The following REPS1 variants were observed in gnomAD, a reference collection of about 807,000 sequenced individuals.
REPS1 encodes ralBP1-associated Eps domain-containing protein 1.
A neutral mutation model predicts 100.9 loss-of-function variants in REPS1; 39 were observed. The ratio of observed to expected loss-of-function variants is 0.39; its 90% CI spans 0.30 to 0.50. The LOEUF is 0.50. REPS1 is among the 20% of genes least tolerant of loss of function. The probability of loss-of-function intolerance (pLI) is 0.86; values close to 1 mark genes in which losing one functional copy is unlikely to be tolerated. For synonymous variants in REPS1, 324 were observed against 340.3 expected, an observed-to-expected ratio of 0.95 and a Z score of 0.53; for missense variants, 821 against 968.5, an observed-to-expected ratio of 0.85 and a Z score of 2.02.
chr6:138,933,557 CT>C (rs201961064), intron 8 of REPS1, among the ~76,000 whole-genome samples: 2,168 of 152,270 alleles, frequency 0.014, 31 homozygotes, highest in Middle Eastern at 0.075. Context: ...TTTTAGACCC[CT>C]GGTATACCTC....
At chr6:138,955,457 A>AAGTGCGTGTGTGTGTGT in intron 1 of REPS1, among the ~76,000 whole-genome samples, 1 of 90,734 alleles carries the variant, frequency 1.1e-5, no homozygotes, top group South Asian at 5.6e-4. Context: ...AAAAAAAAAA[A>AAGTGCGTGTGTGTGTGT]GTGTGTGTGT....
At chr6:138,921,975 AAG>A (rs1780798141) in intron 10 of REPS1, among the ~76,000 whole-genome samples, 1 of 82,654 alleles carries the variant, frequency 1.2e-5, no homozygotes, top group Non-Finnish European at 2.6e-5. Flanking sequence ...ACATCTCAAA[AAG>A]TGTGTGTGTG....
intron 1 of REPS1, among the ~76,000 whole-genome samples, chr6:138,964,323 A>G (rs1783898924): frequency 6.6e-6 from 1 of 152,122 alleles, no homozygotes; most frequent in South Asian, 2.1e-4. Context: ...CTTTCCCCCA[A>G]CACTATGTCC....
In REPS1 at chr6:138,945,375, A is replaced by C; in HGVS notation, c.475-3T>G. 6.3e-7 allele frequency: 1 copy of C among 1,594,284 alleles called. No homozygotes were observed. The highest frequency in any genetic ancestry group is 8.5e-7 in the Non-Finnish European group (1 of 1,173,828). ...GAAACTACTGGGGATGCAGGTTCCT[A>C]GAAAAGAATATTATTTTAAAATTTT... On this transcript the variant is annotated splice_polypyrimidine_tract_variant and splice_region_variant and intron_variant, in intron 3 of 19. Transcript: ENST00000450536.
chr6:138,930,730 CAG>C (rs1018920581), intron 8 of REPS1, among the ~76,000 whole-genome samples: 34 of 152,038 alleles, frequency 2.2e-4, no homozygotes, highest in African/African-American at 7.0e-4. Flanking sequence ...AACAAAAAAA[CAG>C]AACATACTTG....
chr6:138,969,086 G>C (rs1461027814), intron 1 of REPS1, among the ~76,000 whole-genome samples: 1 of 151,968 alleles, frequency 6.6e-6, no homozygotes, highest in African/African-American at 2.4e-5. Flanking sequence ...TTGCAGACTG[G>C]TTATTATACC....
intron 7 of REPS1, among the ~76,000 whole-genome samples, chr6:138,942,605 C>G (rs1194462273): frequency 3.9e-5 from 6 of 151,996 alleles, no homozygotes; most frequent in African/African-American, 1.5e-4. Context: ...CCACACCTTG[C>G]TAATTTTTTT....
intron 1 of REPS1, among the ~76,000 whole-genome samples, chr6:138,950,486 G>A (rs1411327235): frequency 4.6e-5 from 7 of 150,696 alleles, no homozygotes; most frequent in South Asian, 2.1e-4. Flanking sequence ...GTCTCCCCCC[G>A]CAAAAAAAAA....
At chr6:138,951,001 A>G (rs1036302404) in intron 1 of REPS1, 4 of 152,370 alleles carry the variant, frequency 2.6e-5, no homozygotes, top group African/African-American at 9.6e-5. Flanking sequence ...CGGCCTGACC[A>G]ACATGAAGAA....
chr6:138,905,377 C>T (rs189367454), intron 19 of REPS1, among the ~76,000 whole-genome samples: 1 of 152,220 alleles, frequency 6.6e-6, no homozygotes, highest in African/African-American at 2.4e-5. Context: ...CTGCAAGCTC[C>T]GCTTCCCGGG....
intron 12 of REPS1, 96 bp from the exon 13 acceptor site, chr6:138,917,723 C>T: frequency 1.1e-6 from 1 of 950,250 alleles, no homozygotes; most frequent in South Asian, 1.5e-5. Flanking sequence ...TGTTTCAAGC[C>T]AGAGATAGTC....
At chr6:138,916,428 C>T (rs1478436477) in intron 13 of REPS1, among the ~76,000 whole-genome samples, 1 of 151,532 alleles carries the variant, frequency 6.6e-6, no homozygotes, top group Non-Finnish European at 1.5e-5. Flanking sequence ...ACCATGTTGG[C>T]CAGGCTGGTC....
intron 2 of REPS1, among the ~76,000 whole-genome samples, chr6:138,947,035 GCTCTCT>G (rs10581264): frequency 0.16 from 21,398 of 137,484 alleles, 1,710 homozygotes; most frequent in African/African-American, 0.18. Flanking sequence ...ATTCCCCCTT[GCTCTCT>G]CTCTCTCTCT....
chr6:138,977,529 G>C (rs1264781240), intron 1 of REPS1, among the ~76,000 whole-genome samples: 1 of 152,010 alleles, frequency 6.6e-6, no homozygotes, highest in Non-Finnish European at 1.5e-5. Context: ...TTTGGGACAG[G>C]GTCTTGCTAT....
intron 1 of REPS1, among the ~76,000 whole-genome samples, chr6:138,950,729 AT>A (rs1186468724): frequency 6.6e-6 from 1 of 152,162 alleles, no homozygotes; most frequent in African/African-American, 2.4e-5. Context: ...TTATCCTCAT[AT>A]ACTTATTTTT....
Position 138,915,937 on chromosome 6 carries a change from T to C in REPS1, c.1641A>G (p.Pro547=). The change falls in exon 14 of 20, where the codon CCA becomes CCG. Residue 547 remains proline, a synonymous_variant. Transcript: ENST00000450536. ...SGTSPDNTAP[P]PPPPRPQPSH... ...AGGGCTGTGGCCTTGGAGGGGGAGG[T>C]GGTGGTGCAGTGTTATCAGGCGACG... 6.2e-7 allele frequency: 1 copy of C among 1,613,766 alleles called. No individual in the cohort carries two copies. The highest frequency in any genetic ancestry group is 8.5e-7 in the Non-Finnish European group (1 of 1,179,886).
chr6:138,911,102 T>G (rs1354218141), intron 17 of REPS1, 174 bp downstream of exon 17: 1 of 543,076 alleles, frequency 1.8e-6, no homozygotes. Flanking sequence ...TTAACATAGA[T>G]TACAGAATAT....
At chr6:138,944,085 T>A (rs1182803184) in intron 5 of REPS1, 70 bp from the exon 6 acceptor site, 1 of 1,415,762 alleles carries the variant, frequency 7.1e-7, no homozygotes. Context: ...ATTGCTAGGT[T>A]ATTTATCTTT....
intron 17 of REPS1, 134 bp downstream of exon 17, chr6:138,911,142 T>C: frequency 1.7e-6 from 1 of 597,646 alleles, no homozygotes; most frequent in African/African-American, 1.9e-5. Context: ...GACTTTGTTC[T>C]GAGCTAGACT....
Sources: gnomAD v4.1 joint callset for allele counts (sites outside exome capture counted in the v4.1 genomes callset) on GRCh38, gnomAD v4.1.1 for gene constraint, MANE v1.5 for transcripts, NCBI Gene and HGNC (gene_info 2026-07-23, HGNC 2026-07-21) for gene names.